Variants in CDH13 observed in about 807,000 individuals in gnomAD.
CDH13 encodes cadherin-13.
In CDH13, 24 loss-of-function variants were observed where a neutral mutation model predicts 63.8. The ratio of observed to expected loss-of-function variants is 0.38; its 90% CI spans 0.27 to 0.53. CDH13 has a LOEUF of 0.53. Among genes scored for constraint, CDH13 ranks in the 20% least tolerant of loss-of-function variants. The pLI is 0.85. For missense variants in CDH13, 1,049 were observed against 903.1 expected (o/e 1.16, Z -2.07); for synonymous variants, 503 against 355.3 (o/e 1.42, Z -4.67).
Position 82,697,101 on chromosome 16 carries a change from C to G in CDH13, c.45+69964C>G, listed in dbSNP as rs1392959514. ...GTCATATATTGTTACTTTTACCATGCTATATCTATTAGAAATGCATACTGA... is the reference window on the plus strand; with the variant it reads ...GTCATATATTGTTACTTTTACCATGGTATATCTATTAGAAATGCATACTGA... On this transcript the variant is annotated intron_variant, in intron 1 of 13. Coordinates refer to ENST00000567109, the MANE Select transcript of CDH13 (RefSeq NM_001257.5). 2.0e-5 allele frequency among the ~76,000 whole-genome samples: 3 copies of G among 152,128 alleles called. No homozygotes were observed. In the East Asian group the frequency reaches 5.8e-4, roughly 29 times the overall value.
At chr16:83,562,580 G>A (rs2075727909) in intron 7 of CDH13, among the ~76,000 whole-genome samples, 1 of 152,206 alleles carries the variant, frequency 6.6e-6, no homozygotes, top group African/African-American at 2.4e-5. Context: ...TCCTACAGAT[G>A]TAAGATTTGA....
intron 5 of CDH13, among the ~76,000 whole-genome samples, chr16:83,298,891 T>C (rs72804318): frequency 0.01 from 1,562 of 152,334 alleles, 12 homozygotes; most frequent in Non-Finnish European, 0.016. Flanking sequence ...GTGTTATCTT[T>C]AGGGCATCTT....
intron 2 of CDH13, among the ~76,000 whole-genome samples, chr16:82,968,221 T>A (rs910251537): frequency 3.9e-5 from 6 of 152,212 alleles, no homozygotes; most frequent in African/African-American, 1.4e-4. Flanking sequence ...GTTTGTCCAG[T>A]GGGAAGCCTA....
At chr16:82,945,355 G>A (rs1051459812) in intron 2 of CDH13, among the ~76,000 whole-genome samples, 31 of 152,098 alleles carry the variant, frequency 2.0e-4, no homozygotes, top group African/African-American at 7.0e-4. Flanking sequence ...GACCATAGTT[G>A]GTCAAGCCTC....
chr16:82,762,732 A>G (rs1488633486), intron 1 of CDH13, among the ~76,000 whole-genome samples: 1 of 152,174 alleles, frequency 6.6e-6, no homozygotes, highest in Non-Finnish European at 1.5e-5. Flanking sequence ...TTGGGTGCCA[A>G]AAGCAAAGAC....
At chr16:82,860,177 T>A (rs1375641457) in intron 2 of CDH13, among the ~76,000 whole-genome samples, 1 of 152,182 alleles carries the variant, frequency 6.6e-6, no homozygotes, top group East Asian at 1.9e-4. Flanking sequence ...GTTAACATGC[T>A]TGGAAATGCG....
In CDH13 at chr16:82,862,807, G is replaced by C. The variant is rs184625538; in HGVS notation, c.157+4334G>C. On this transcript the variant is annotated intron_variant, in intron 2 of 13. Coordinates refer to ENST00000567109, the MANE Select transcript of CDH13 (RefSeq NM_001257.5). ...TCACTCAGATCATGCAGATGCAGTCGGGCTGCTCTCCTGGGTAACTCTCCT... is the reference window on the plus strand; with the variant it reads ...TCACTCAGATCATGCAGATGCAGTCCGGCTGCTCTCCTGGGTAACTCTCCT... 1.2e-3 allele frequency among the ~76,000 whole-genome samples: 184 copies of C among 152,250 alleles called. 2 individuals carry two copies. In the Middle Eastern group the frequency reaches 0.014, roughly 11 times the overall value.
chr16:83,538,946 G>A (rs2075248186), intron 7 of CDH13, among the ~76,000 whole-genome samples: 1 of 152,090 alleles, frequency 6.6e-6, no homozygotes, highest in African/African-American at 2.4e-5. Flanking sequence ...AACTACCAGG[G>A]CACACACTTG....
intron 10 of CDH13, among the ~76,000 whole-genome samples, chr16:83,737,329 G>T (rs1202930565): frequency 6.6e-6 from 1 of 152,182 alleles, no homozygotes; most frequent in East Asian, 1.9e-4. Flanking sequence ...TGACTTCGAA[G>T]TTACTAAGAG....
chr16:82,700,218 G>A (rs956095722), intron 1 of CDH13, among the ~76,000 whole-genome samples: 65 of 152,174 alleles, frequency 4.3e-4, no homozygotes, highest in Admixed American at 4.2e-3. Context: ...ATCTGTGAAT[G>A]TGCATACTGA....
At chr16:83,739,834 C>T (rs945441110) in intron 10 of CDH13, 1 of 152,200 alleles carries the variant, frequency 6.6e-6, no homozygotes, top group Non-Finnish European at 1.5e-5. Context: ...TACCTACCCA[C>T]TCAGTGTGTG....
intron 6 of CDH13, among the ~76,000 whole-genome samples, chr16:83,386,828 C>T (rs2091684087): frequency 1.3e-5 from 2 of 152,158 alleles, no homozygotes; most frequent in Non-Finnish European, 2.9e-5. Flanking sequence ...TTCTCTTAGC[C>T]TTTTCTGCAA....
chr16:83,063,545 A>G (rs977472370), intron 3 of CDH13, among the ~76,000 whole-genome samples: 1 of 152,208 alleles, frequency 6.6e-6, no homozygotes, highest in East Asian at 1.9e-4. Flanking sequence ...ATGGACAGAG[A>G]TGATTTAGCT....
chr16:83,745,138 G>T (rs1381892224), intron 10 of CDH13, among the ~76,000 whole-genome samples: 1 of 152,178 alleles, frequency 6.6e-6, no homozygotes, highest in Non-Finnish European at 1.5e-5. Flanking sequence ...TCCAGCCGGC[G>T]CAATGTAAGG....
chr16:83,791,143 C>A (rs1300919867), intron 13 of CDH13, among the ~76,000 whole-genome samples: 1 of 151,740 alleles, frequency 6.6e-6, no homozygotes, highest in African/African-American at 2.4e-5. Context: ...GATAGTGAGA[C>A]CCCCATCTCT....
At chr16:82,866,965 C>G (rs910867131) in intron 2 of CDH13, among the ~76,000 whole-genome samples, 1 of 152,190 alleles carries the variant, frequency 6.6e-6, no homozygotes, top group Non-Finnish European at 1.5e-5. Flanking sequence ...GGTGGGGCCA[C>G]AAAGCCTAAC....
At chr16:83,360,345 A>C (rs946945174) in intron 6 of CDH13, among the ~76,000 whole-genome samples, 1 of 152,238 alleles carries the variant, frequency 6.6e-6, no homozygotes, top group African/African-American at 2.4e-5. Flanking sequence ...ATGAGATAAT[A>C]CACGTAGCAG....
intron 5 of CDH13, among the ~76,000 whole-genome samples, chr16:83,289,220 A>C (rs1039250435): frequency 6.6e-6 from 1 of 152,242 alleles, no homozygotes; most frequent in African/African-American, 2.4e-5. Context: ...GGAAATGAAC[A>C]GTACATAACC....
At chr16:83,087,229 T>C (rs766707933) in intron 3 of CDH13, among the ~76,000 whole-genome samples, 8 of 152,332 alleles carry the variant, frequency 5.3e-5, no homozygotes, top group Middle Eastern at 3.4e-3. Flanking sequence ...ATGACTTAAT[T>C]TGACGTGATA....
Sources: gnomAD v4.1 joint callset for allele counts (sites outside exome capture counted in the v4.1 genomes callset) on GRCh38, gnomAD v4.1.1 for gene constraint, MANE v1.5 for transcripts, NCBI Gene and HGNC (gene_info 2026-07-23, HGNC 2026-07-21) for gene names.